Variants in CRYBG3 observed in about 807,000 individuals in gnomAD.
CRYBG3 encodes the protein crystallin beta-gamma domain containing 3.
Under a neutral mutation model 244.2 loss-of-function variants are expected in CRYBG3, and 127 were observed. That is an observed-to-expected ratio of 0.52 (90% confidence interval 0.45 to 0.60). The LOEUF (loss-of-function observed/expected upper bound fraction) is 0.60. Ranked by LOEUF, CRYBG3 falls within the 20% of genes least tolerant of loss-of-function variation. The pLI is 0.00. For synonymous variants in CRYBG3, 1,132 were observed against 1,195.8 expected (o/e 0.95, Z 1.10); for missense variants, 3,325 against 3,442.5 (o/e 0.97, Z 0.85).
Position 97,912,163 on chromosome 3 carries a change from G to A in CRYBG3, c.8005-4G>A, listed in dbSNP as rs1250361294. On this transcript the variant is annotated splice_region_variant and splice_polypyrimidine_tract_variant and intron_variant, in intron 15 of 21. Coordinates refer to ENST00000389622, the MANE Select transcript of CRYBG3 (RefSeq NM_153605.4). ...ATTTAACTGTTGTGTTGTTGTTCTT[G>A]TAGCTCAAAGCATTCAGCAAACCAG... 1.9e-6 allele frequency: 3 copies of A among 1,542,494 alleles called. No homozygotes were observed. Among genetic ancestry groups the A allele is most frequent in the Non-Finnish European group, 2.7e-6 (3 of 1,131,454 alleles).
In CRYBG3 at chr3:97,879,953, G is replaced by C. The variant is rs762904568; in HGVS notation, c.6889-32G>C. On this transcript the variant is annotated intron_variant, in intron 5 of 21. Transcript: ENST00000389622. Reference sequence around the variant, plus strand: ...AAATACATTCTAAAAATTAGTTATTGTAACTACTTACTGCTATTTACTGTG... The same window carrying C: ...AAATACATTCTAAAAATTAGTTATTCTAACTACTTACTGCTATTTACTGTG... 5 of 1,136,546 alleles carry C rather than the reference G, an allele frequency of 4.4e-6. No individual in the cohort carries two copies. The Admixed American group carries it at 7.9e-5, about 18-fold the overall frequency. The allele number at this position is 1,136,546 out of a possible 1,614,324, so 70.4% of individuals were successfully genotyped here.
intron 2 of CRYBG3, among the ~76,000 whole-genome samples, chr3:97,844,444 G>A (rs1397294329): frequency 6.6e-6 from 1 of 152,094 alleles, no homozygotes; most frequent in Non-Finnish European, 1.5e-5. Context: ...TGTTTCATAG[G>A]AAGGCTGTTA....
At chr3:97,830,530 T>A (rs1267326111) in intron 1 of CRYBG3, among the ~76,000 whole-genome samples, 1 of 151,316 alleles carries the variant, frequency 6.6e-6, no homozygotes, top group Admixed American at 6.6e-5. Context: ...ATGTTAGATA[T>A]TTTTTTTGTC....
At chr3:97,931,047 C>T (rs1575973434) in intron 17 of CRYBG3, among the ~76,000 whole-genome samples, 1 of 152,066 alleles carries the variant, frequency 6.6e-6, no homozygotes, top group Admixed American at 6.6e-5. Context: ...TCTCTCTATT[C>T]CACTAACGCC....
chr3:97,872,653 G>A lies in CRYBG3; in HGVS notation c.1459G>A (p.Ala487Thr), dbSNP rs1217842285. 2 of 1,535,808 alleles carry A rather than the reference G, an allele frequency of 1.3e-6. No homozygotes were observed. The highest frequency in any genetic ancestry group is 2.7e-5 in the African/African-American group (2 of 73,018). ...KQTIDSSSKQAATHTNIIALQ... is the reference protein window; with the variant it reads ...KQTIDSSSKQTATHTNIIALQ... ...AACCATAGATAGCTCATCAAAGCAA[G>A]CTGCCACTCACACCAATATCATTGC... is the stretch of plus-strand genomic sequence containing the variant. Residue 487 changes from alanine to threonine, a missense_variant, in exon 4 of 22, where the codon GCT becomes ACT. Ala to Thr is a moderately conservative substitution (Grantham distance 58, BLOSUM62 0). This residue lies in a region of CRYBG3 where 1,526 missense variants were observed against 1,443.2 expected (regional missense o/e 1.06). Coordinates refer to ENST00000389622, the MANE Select transcript of CRYBG3 (RefSeq NM_153605.4).
chr3:97,865,664 G>C (rs994087776), intron 3 of CRYBG3, among the ~76,000 whole-genome samples: 10 of 152,156 alleles, frequency 6.6e-5, no homozygotes, highest in African/African-American at 2.2e-4. Context: ...AAATCGAGCA[G>C]AGTAGGCAGC....
Position 97,925,425 on chromosome 3 carries a change from G to A in CRYBG3, c.8242-8269G>A, listed in dbSNP as rs73851092. 6.3e-3 allele frequency among the ~76,000 whole-genome samples: 964 copies of A among 152,106 alleles called. 7 individuals are homozygous for A. Among genetic ancestry groups the A allele is most frequent in the African/African-American group, 0.021 (880 of 41,526 alleles). Reference sequence around the variant, plus strand: ...TGGAAGAAGTGTTAATTACAATGGTGGGGGGAATAAGAATGTCTGTTGCAG... The same window carrying A: ...TGGAAGAAGTGTTAATTACAATGGTAGGGGGAATAAGAATGTCTGTTGCAG... On this transcript the variant is annotated intron_variant, in intron 17 of 21. Transcript: ENST00000389622.
Position 97,943,428 on chromosome 3 carries a change from G to A in CRYBG3, c.*114G>A. On this transcript the variant is annotated 3_prime_UTR_variant, in exon 22 of 22. Coordinates refer to ENST00000389622, the MANE Select transcript of CRYBG3 (RefSeq NM_153605.4). ...TGTCCTCACACTCCTGGATCACTGA[G>A]CAGAATGAACATTTTCTCCAGCCTC... The A allele has an allele frequency of 1.5e-6, 1 of 661,004 alleles. No homozygotes were observed. Among genetic ancestry groups the A allele is most frequent in the Non-Finnish European group, 2.6e-6 (1 of 378,668 alleles). The allele number at this position is 661,004 out of a possible 1,614,324, so 40.9% of individuals were successfully genotyped here. A position where few individuals can be genotyped will look rare whatever the true frequency, so the allele number is the denominator to read the frequency against.
intron 2 of CRYBG3, among the ~76,000 whole-genome samples, chr3:97,852,751 A>G (rs1242600301): frequency 1.3e-5 from 2 of 152,174 alleles, no homozygotes; most frequent in African/African-American, 4.8e-5. Flanking sequence ...AGCAACCTCC[A>G]TACTGTTTTC....
chr3:97,935,313 A>G (rs762792884), intron 18 of CRYBG3, among the ~76,000 whole-genome samples: 11 of 152,096 alleles, frequency 7.2e-5, no homozygotes, highest in Non-Finnish European at 1.5e-4. Context: ...CAGTTTAAAG[A>G]ATCTGCAGCG....
Position 97,874,481 on chromosome 3 carries a change from G to A in CRYBG3, c.3287G>A (p.Gly1096Asp). The change falls in exon 4 of 22, where the codon GGT becomes GAT. Residue 1096 changes from glycine to aspartate, a missense_variant. By Grantham distance (94) the Gly-to-Asp change is moderately conservative (BLOSUM62 -1). This residue lies in a region of CRYBG3 where 1,526 missense variants were observed against 1,443.2 expected (regional missense o/e 1.06). Coordinates refer to ENST00000389622, the MANE Select transcript of CRYBG3 (RefSeq NM_153605.4). ...IQVTKDLTHE[G>D]TSVTNLLYPT... ...GTTACCAAAGATCTCACACATGAAG[G>A]TACCTCTGTAACTAACCTGTTGTAC... 6.5e-7 allele frequency: 1 copy of A among 1,533,960 alleles called. No individual in the cohort carries two copies. The highest frequency in any genetic ancestry group is 8.7e-7 in the Non-Finnish European group (1 of 1,146,156).
intron 7 of CRYBG3, 152 bp from the exon 8 acceptor site, chr3:97,886,479 A>G (rs2039508121): frequency 9.6e-6 from 5 of 518,480 alleles, no homozygotes; most frequent in Non-Finnish European, 1.6e-5. Context: ...AAAAAAAAAA[A>G]GGGTGAGGAG....
At chr3:97,904,046 C>T (rs1032633056) in intron 15 of CRYBG3, among the ~76,000 whole-genome samples, 1 of 152,098 alleles carries the variant, frequency 6.6e-6, no homozygotes, top group Non-Finnish European at 1.5e-5. Context: ...ATCGATTGTT[C>T]TGTAAAGGTA....
Position 97,877,265 on chromosome 3 carries a change from T to C in CRYBG3, c.6071T>C (p.Val2024Ala), listed in dbSNP as rs1160801063. 2.5e-6 allele frequency: 4 copies of C among 1,613,932 alleles called. No individual in the cohort carries two copies. Among genetic ancestry groups the C allele is most frequent in the Non-Finnish European group, 3.4e-6 (4 of 1,179,952 alleles). ...GCAGAAGCAAGACAAACACAGTCTG[T>C]CTTGTTTCATGATACGTCCGCTGAC... The part of the protein sequence containing the change: ...ASAEARQTQS[V>A]LFHDTSADSM... The change falls in exon 4 of 22, where the codon GTC (valine) becomes GCC (alanine). Residue 2024 changes from valine to alanine, a missense_variant. Physicochemically the swap from Val to Ala is moderately conservative, Grantham distance 64 (BLOSUM62 0). This residue lies in a region of CRYBG3 where 450 missense variants were observed against 424.1 expected (regional missense o/e 1.06). Coordinates refer to ENST00000389622, the MANE Select transcript of CRYBG3 (RefSeq NM_153605.4).
At position 97,822,071 on chromosome 3, in the gene CRYBG3, A is replaced by T; in HGVS notation, c.-136A>T. 1 of 669,220 alleles carries T rather than the reference A, an allele frequency of 1.5e-6. No homozygotes were observed. The highest frequency in any genetic ancestry group is 2.2e-6 in the Non-Finnish European group (1 of 459,924). The allele number at this position is 669,220 out of a possible 1,614,324, so 41.5% of individuals were successfully genotyped here. ...TCCGCACTTCTCCTGCCCGAGAGAGACTGAGCCGCGCTGGCAGCTCGCGTC... is the reference window on the plus strand; with the variant it reads ...TCCGCACTTCTCCTGCCCGAGAGAGTCTGAGCCGCGCTGGCAGCTCGCGTC... On this transcript the variant is annotated 5_prime_UTR_variant, in exon 1 of 22. Transcript: ENST00000389622.
In CRYBG3 at chr3:97,875,861, T is replaced by C; in HGVS notation, c.4667T>C (p.Leu1556Ser). ...TGKTNKKDAELNILKYEAVPP... is the reference protein window; with the variant it reads ...TGKTNKKDAESNILKYEAVPP... ...AAAACAAACAAAAAGGATGCTGAATTGAATATTCTGAAATATGAGGCAGTC... is the reference window on the plus strand; with the variant it reads ...AAAACAAACAAAAAGGATGCTGAATCGAATATTCTGAAATATGAGGCAGTC... Residue 1556 changes from leucine to serine, a missense_variant, in exon 4 of 22, where the codon TTG becomes TCG. Physicochemically the swap from Leu to Ser is moderately radical, Grantham distance 145. Coordinates refer to ENST00000389622, the MANE Select transcript of CRYBG3 (RefSeq NM_153605.4). 8.1e-7 allele frequency: 1 copy of C among 1,231,988 alleles called. No homozygotes were observed. Among genetic ancestry groups the C allele is most frequent in the Non-Finnish European group, 1.0e-6 (1 of 987,894 alleles). 76.3% of individuals were successfully genotyped at this position (1,231,988 alleles called of 1,614,324 possible).
chr3:97,862,101 A>T (rs831867), intron 2 of CRYBG3, among the ~76,000 whole-genome samples: 7,128 of 126,266 alleles, frequency 0.056, 238 homozygotes, highest in African/African-American at 0.11. Context: ...TTTTTTTTTT[A>T]AAAAATTATT....
In CRYBG3 at chr3:97,873,317, AT is replaced by A; in HGVS notation, c.2124del (p.His708GlnfsTer48). Reference sequence around the variant, plus strand: ...TGTAAAGAAGAAAATGTGAAAAACCATGTTGAGGCTGCAGGCAGGAAGAGTC... The same window carrying A: ...TGTAAAGAAGAAAATGTGAAAAACCAGTTGAGGCTGCAGGCAGGAAGAGTC... ...RKCKEENVKN[H>X]VEAAGRKSPP... On this transcript the variant is annotated frameshift_variant, in exon 4 of 22. Coordinates refer to ENST00000389622, the MANE Select transcript of CRYBG3 (RefSeq NM_153605.4). LOFTEE classifies it high-confidence loss of function. The A allele has an allele frequency of 1.3e-6, 2 of 1,535,804 alleles. No individual in the cohort carries two copies. Among genetic ancestry groups the A allele is most frequent in the Non-Finnish European group, 1.7e-6 (2 of 1,146,770 alleles).
At chr3:97,925,530 C>T (rs757598709) in intron 17 of CRYBG3, among the ~76,000 whole-genome samples, 19 of 152,036 alleles carry the variant, frequency 1.2e-4, no homozygotes, top group South Asian at 6.2e-4. Context: ...GACAGCTACA[C>T]GTATGAAGAG....
Sources: allele counts gnomAD v4.1 joint callset (sites outside exome capture counted in the v4.1 genomes callset), GRCh38; gene constraint gnomAD v4.1.1; regional missense constraint gnomAD v4.1.1; transcripts MANE v1.5; gene names NCBI Gene and HGNC (gene_info 2026-07-23, HGNC 2026-07-21).